UBASH3B: variants seen among roughly 807,000 people sequenced by gnomAD.
The protein encoded by UBASH3B is ubiquitin associated and SH3 domain containing B.
In UBASH3B, 37 loss-of-function variants were observed where a neutral mutation model predicts 83.4. The observed-to-expected ratio is 0.44, with a 90% CI of 0.34 to 0.58. UBASH3B has a LOEUF of 0.58. Among genes scored for constraint, UBASH3B ranks in the 20% least tolerant of loss-of-function variants. The pLI is 0.01. For synonymous variants in UBASH3B, 304 were observed against 318.3 expected, an observed-to-expected ratio of 0.96 and a Z score of 0.48; for missense variants, 657 against 827.2, an observed-to-expected ratio of 0.79 and a Z score of 2.52.
intron 1 of UBASH3B, among the ~76,000 whole-genome samples, chr11:122,765,090 T>C (rs1052543964): frequency 1.7e-4 from 26 of 151,972 alleles, no homozygotes; most frequent in African/African-American, 6.3e-4. Context: ...AAAAGCCCTT[T>C]TTTTTTTTCA....
At chr11:122,748,723 G>A (rs1021951418) in intron 1 of UBASH3B, among the ~76,000 whole-genome samples, 3 of 152,276 alleles carry the variant, frequency 2.0e-5, no homozygotes, top group African/African-American at 7.2e-5. Context: ...AGTGACGTGA[G>A]GCTAAATGCA....
chr11:122,694,952 TTC>T, intron 1 of UBASH3B, among the ~76,000 whole-genome samples: 1 of 130,900 alleles, frequency 7.6e-6, no homozygotes, highest in African/African-American at 2.9e-5. Context: ...TTTCTTTTCT[TTC>T]TTTTTTTTTT....
chr11:122,673,583 C>T (rs964434577), intron 1 of UBASH3B, among the ~76,000 whole-genome samples: 1 of 152,130 alleles, frequency 6.6e-6, no homozygotes. Context: ...GGCGTGAACC[C>T]GGGAGGCAGA....
At chr11:122,724,087 G>A (rs1860689265) in intron 1 of UBASH3B, among the ~76,000 whole-genome samples, 1 of 152,160 alleles carries the variant, frequency 6.6e-6, no homozygotes. Context: ...CTTAGGAATG[G>A]GAGTTTGATT....
At chr11:122,715,527 C>A (rs966855328) in intron 1 of UBASH3B, among the ~76,000 whole-genome samples, 11 of 152,180 alleles carry the variant, frequency 7.2e-5, no homozygotes, top group Non-Finnish European at 1.5e-4. Context: ...TCTTTTAGGG[C>A]CATTTACCCA....
At chr11:122,659,256 G>A (rs1193021514) in intron 1 of UBASH3B, among the ~76,000 whole-genome samples, 1 of 152,130 alleles carries the variant, frequency 6.6e-6, no homozygotes, top group Non-Finnish European at 1.5e-5. Context: ...GGTGTCTTTT[G>A]GGGGATCATT....
chr11:122,791,398 T>C (rs1364280870), intron 6 of UBASH3B, among the ~76,000 whole-genome samples: 1 of 152,250 alleles, frequency 6.6e-6, no homozygotes, highest in African/African-American at 2.4e-5. Context: ...TTGGGAAGAC[T>C]GCAATACAGA....
At position 122,796,211 on chromosome 11, in the gene UBASH3B, G is replaced by A. The variant is rs1861153948; in HGVS notation, c.1169G>A (p.Arg390Gln). The A allele has an allele frequency of 6.2e-7, 1 of 1,614,108 alleles. No homozygotes were observed. Among genetic ancestry groups the A allele is most frequent in the Non-Finnish European group, 8.5e-7 (1 of 1,180,006 alleles). ...GPQKRCLFVC[R>Q]HGERMDVVFG... ...CAGAAGCGATGCCTTTTTGTGTGTC[G>A]GCATGGTGAGAGGATGGATGTTGTG... Residue 390 changes from arginine to glutamine, a missense_variant, in exon 8 of 14, where the codon CGG becomes CAG. By Grantham distance (43) the Arg-to-Gln change is conservative. Around this residue, in one of 3 missense-constraint regions of UBASH3B, gnomAD observed 573 missense variants for 739.0 expected, o/e 0.78. Transcript: ENST00000284273.
intron 1 of UBASH3B, among the ~76,000 whole-genome samples, chr11:122,671,489 A>T (rs1316967357): frequency 6.6e-6 from 1 of 152,176 alleles, no homozygotes; most frequent in Non-Finnish European, 1.5e-5. Context: ...ATCAGGTTGG[A>T]GGAGAATATT....
Position 122,690,184 on chromosome 11 carries a change from A to ATATATATCCAAT in UBASH3B, c.161+33981_161+33982insCCAATTATATAT, listed in dbSNP as rs1555135470. 3.7e-3 allele frequency among the ~76,000 whole-genome samples: 78 copies of ATATATATCCAAT among 21,204 alleles called. 2 individuals carry two copies. Among genetic ancestry groups the ATATATATCCAAT allele is most frequent in the African/African-American group, 0.011 (72 of 6,268 alleles). 13.9% of individuals were successfully genotyped at this position (21,204 alleles called of 152,430 possible). ...CAGGAAAACATATATATATATATAT[A>ATATATATCCAAT]TATATATATATATATATATATATAT... On this transcript the variant is annotated intron_variant, in intron 1 of 13. Transcript: ENST00000284273.
At chr11:122,780,915 C>A (rs1860840993) in intron 4 of UBASH3B, among the ~76,000 whole-genome samples, 1 of 152,224 alleles carries the variant, frequency 6.6e-6, no homozygotes, top group South Asian at 2.1e-4. Context: ...CTGAGCAAGG[C>A]CGCAGTTTGC....
intron 1 of UBASH3B, among the ~76,000 whole-genome samples, chr11:122,658,404 G>C (rs558926291): frequency 6.6e-6 from 1 of 152,262 alleles, no homozygotes; most frequent in South Asian, 2.1e-4. Context: ...CTGAGTCCAG[G>C]AGGTCTTGAC....
intron 9 of UBASH3B, among the ~76,000 whole-genome samples, chr11:122,797,864 G>A (rs1207535213): frequency 6.6e-5 from 10 of 152,166 alleles, no homozygotes; most frequent in Non-Finnish European, 1.5e-4. Flanking sequence ...GAAACAAAGT[G>A]TCTTGTGTCT....
intron 11 of UBASH3B, 129 bp downstream of exon 11, chr11:122,801,461 C>T (rs571157869): frequency 2.1e-5 from 23 of 1,115,730 alleles, no homozygotes; most frequent in African/African-American, 3.2e-5. Context: ...TGGTGGAAAA[C>T]GAGCTATGAT....
intron 12 of UBASH3B, among the ~76,000 whole-genome samples, chr11:122,807,316 A>T (rs1322432196): frequency 5.3e-5 from 8 of 152,220 alleles, no homozygotes; most frequent in Non-Finnish European, 4.4e-5. Flanking sequence ...TGTTACAAAA[A>T]GCTACACATA....
At chr11:122,749,470 T>G (rs1185522605) in intron 1 of UBASH3B, among the ~76,000 whole-genome samples, 1 of 152,258 alleles carries the variant, frequency 6.6e-6, no homozygotes, top group Non-Finnish European at 1.5e-5. Flanking sequence ...AGAAGGCTTA[T>G]TGGGTGCCAA....
rs747504544 is a variant in UBASH3B at position 122,759,319 on chromosome 11, C to T, written c.162-16900C>T. ...TGCTTCTCCTTGGCCAGCAGGAAAGCGAGTCATTTAGAGCAGTGGTCCCCA... is the reference window on the plus strand; with the variant it reads ...TGCTTCTCCTTGGCCAGCAGGAAAGTGAGTCATTTAGAGCAGTGGTCCCCA... On this transcript the variant is annotated intron_variant, in intron 1 of 13. Transcript: ENST00000284273. The surrounding 1 kb of genome is among the most constrained non-coding windows in gnomAD (Gnocchi z 4.1). 3.9e-5 allele frequency among the ~76,000 whole-genome samples: 6 copies of T among 152,250 alleles called. No individual in the cohort carries two copies. The highest frequency in any genetic ancestry group is 1.3e-4 in the Admixed American group (2 of 15,294).
intron 1 of UBASH3B, among the ~76,000 whole-genome samples, chr11:122,736,148 AAGAT>A (rs915085644): frequency 3.3e-5 from 5 of 152,094 alleles, no homozygotes; most frequent in African/African-American, 1.2e-4. Context: ...CTGGCAGAGA[AAGAT>A]AGAGAAGTCA....
intron 1 of UBASH3B, among the ~76,000 whole-genome samples, chr11:122,690,209 T>TATA (rs1863872587): frequency 4.9e-5 from 1 of 20,592 alleles, no homozygotes. Flanking sequence ...TATATATATA[T>TATA]CCAATTATAT....
Sources: gnomAD v4.1 joint callset for allele counts (sites outside exome capture counted in the v4.1 genomes callset) on GRCh38, gnomAD v4.1.1 for gene constraint, gnomAD v4.1.1 regional missense constraint, Gnocchi (gnomAD v3.1) non-coding constraint, MANE v1.5 for transcripts, NCBI Gene and HGNC (gene_info 2026-07-23, HGNC 2026-07-21) for gene names.